Variants in TIMP2 observed in about 807,000 individuals in gnomAD.
The protein encoded by TIMP2 is metalloproteinase inhibitor 2.
TIMP2 carries 5 observed loss-of-function variants against 24.3 expected under a neutral mutation model. The ratio of observed to expected loss-of-function variants is 0.21; its 90% CI spans 0.11 to 0.43. The LOEUF is 0.43. TIMP2 is among the 20% of genes least tolerant of loss of function. The pLI is 1.00. For synonymous variants in TIMP2, 130 were observed against 123.2 expected (o/e 1.06, Z -0.37); for missense variants, 221 against 297.5 (o/e 0.74, Z 1.89).
chr17:78,862,443 T>G (rs2069574918), intron 3 of TIMP2, among the ~76,000 whole-genome samples: 1 of 152,234 alleles, frequency 6.6e-6, no homozygotes, highest in Non-Finnish European at 1.5e-5. Flanking sequence ...TCAGCCACTG[T>G]GGCCATTAAC....
Position 78,920,392 on chromosome 17 carries a change from T to C in TIMP2, c.130+4567A>G, listed in dbSNP as rs9907725. 0.93 allele frequency among the ~76,000 whole-genome samples: 142,266 copies of C among 152,234 alleles called. 66,541 individuals carry two copies. Among genetic ancestry groups the C allele is most frequent in the East Asian group, 0.96 (4,952 of 5,162 alleles). Reference sequence around the variant, plus strand: ...CAAATAGGGGAGGCCCGAGAGGCTCTGAGGCTGGCACTGTCCTCAGATCCC... The same window carrying C: ...CAAATAGGGGAGGCCCGAGAGGCTCCGAGGCTGGCACTGTCCTCAGATCCC... On this transcript the variant is annotated intron_variant, in intron 1 of 4. Transcript: ENST00000262768. The surrounding 1 kb of genome is among the most constrained non-coding windows in gnomAD (Gnocchi z 4.5).
At chr17:78,905,817 T>C (rs987539386) in intron 1 of TIMP2, among the ~76,000 whole-genome samples, 8 of 152,240 alleles carry the variant, frequency 5.3e-5, no homozygotes, top group Non-Finnish European at 7.3e-5. Flanking sequence ...GTCCATACTA[T>C]TGTTGACTGC....
intron 1 of TIMP2, among the ~76,000 whole-genome samples, chr17:78,906,173 C>T (rs573032368): frequency 2.0e-5 from 3 of 152,124 alleles, no homozygotes; most frequent in African/African-American, 4.8e-5. Flanking sequence ...GAGTTTCAGA[C>T]CAGCCAGGCA....
At chr17:78,865,453 C>T (rs1229359119) in intron 3 of TIMP2, among the ~76,000 whole-genome samples, 17 of 151,936 alleles carry the variant, frequency 1.1e-4, no homozygotes, top group Admixed American at 2.0e-4. Context: ...AGAGAAATCC[C>T]GTCTCTACTA....
At chr17:78,886,992 GATTACA>G (rs2069830552) in intron 1 of TIMP2, among the ~76,000 whole-genome samples, 1 of 152,196 alleles carries the variant, frequency 6.6e-6, no homozygotes, top group Non-Finnish European at 1.5e-5. Context: ...AGAGTGCTGG[GATTACA>G]GGTGTGAGCC....
At chr17:78,911,894 CAAAAA>C (rs60505603) in intron 1 of TIMP2, among the ~76,000 whole-genome samples, 1 of 112,098 alleles carries the variant, frequency 8.9e-6, no homozygotes, top group Admixed American at 9.1e-5. Flanking sequence ...AAAAACACAC[CAAAAA>C]AAAAAAAAAA....
At chr17:78,871,506 T>C (rs2069684839) in intron 2 of TIMP2, among the ~76,000 whole-genome samples, 1 of 151,164 alleles carries the variant, frequency 6.6e-6, no homozygotes, top group Non-Finnish European at 1.5e-5. Flanking sequence ...AAGTGATTCT[T>C]TGGAGTCACT....
At chr17:78,864,584 G>A (rs1386523030) in intron 3 of TIMP2, among the ~76,000 whole-genome samples, 1 of 151,996 alleles carries the variant, frequency 6.6e-6, no homozygotes, top group African/African-American at 2.4e-5. Flanking sequence ...TTTGCACTTG[G>A]CACCTTTAGT....
Position 78,896,648 on chromosome 17 carries a change from T to C in TIMP2, c.131-22729A>G, listed in dbSNP as rs993697163. On this transcript the variant is annotated intron_variant, in intron 1 of 4. Coordinates refer to ENST00000262768, the MANE Select transcript of TIMP2 (RefSeq NM_003255.5). The surrounding 1 kb of genome is among the most constrained non-coding windows in gnomAD (Gnocchi z 4.4). ...TCCTGCCACCCCGAGCTGACAAGCC[T>C]GCCTTCTGCTGGCTGCCTTCAACCA... Among the ~76,000 whole-genome samples the C allele has an allele frequency of 6.6e-6, 1 of 152,092 alleles. No homozygotes were observed. Among genetic ancestry groups the C allele is most frequent in the Non-Finnish European group, 1.5e-5 (1 of 68,004 alleles).
intron 1 of TIMP2, among the ~76,000 whole-genome samples, chr17:78,887,426 C>T (rs1162239147): frequency 1.3e-5 from 2 of 152,062 alleles, no homozygotes; most frequent in African/African-American, 4.8e-5. Context: ...CCCTCTGTCC[C>T]CAGGCTGGAG....
At chr17:78,902,878 T>C (rs1470868765) in intron 1 of TIMP2, 1 of 152,350 alleles carries the variant, frequency 6.6e-6, no homozygotes, top group African/African-American at 2.4e-5. Context: ...CCAACAACCA[T>C]ATTCATCTCC....
At chr17:78,859,408 C>T (rs2069550760) in intron 3 of TIMP2, among the ~76,000 whole-genome samples, 1 of 152,206 alleles carries the variant, frequency 6.6e-6, no homozygotes, top group South Asian at 2.1e-4. Context: ...GCCTGTAATC[C>T]TAGCACTTTG....
At chr17:78,923,154 A>G (rs1228818558) in intron 1 of TIMP2, among the ~76,000 whole-genome samples, 1 of 152,010 alleles carries the variant, frequency 6.6e-6, no homozygotes, top group Non-Finnish European at 1.5e-5. Context: ...TAGCTACAGG[A>G]TGATTTTGAT....
intron 1 of TIMP2, chr17:78,903,122 G>A (rs1433994798): frequency 6.6e-6 from 1 of 152,366 alleles, no homozygotes; most frequent in African/African-American, 2.4e-5. Flanking sequence ...GTGGTCTCAG[G>A]GGCCCACTGA....
chr17:78,877,264 T>C (rs1022800269), intron 1 of TIMP2, among the ~76,000 whole-genome samples: 2 of 152,248 alleles, frequency 1.3e-5, no homozygotes, highest in Non-Finnish European at 2.9e-5. Flanking sequence ...TTGCTCTTCA[T>C]GTAGCAGAGT....
chr17:78,872,191 CT>C (rs2069691979), intron 2 of TIMP2, among the ~76,000 whole-genome samples: 1 of 151,134 alleles, frequency 6.6e-6, no homozygotes, highest in Non-Finnish European at 1.5e-5. Context: ...AGGTCTCGCT[CT>C]ATTACCCAGG....
chr17:78,879,337 G>A (rs1173911820), intron 1 of TIMP2, among the ~76,000 whole-genome samples: 1 of 152,240 alleles, frequency 6.6e-6, no homozygotes. Flanking sequence ...CAGTTCTGTA[G>A]GGGAAAGCAG....
At chr17:78,880,764 T>C (rs2069772652) in intron 1 of TIMP2, among the ~76,000 whole-genome samples, 1 of 152,208 alleles carries the variant, frequency 6.6e-6, no homozygotes. Context: ...TTCTCTTTAT[T>C]ATCTTGCCAG....
At chr17:78,859,655 C>A (rs551186062) in intron 3 of TIMP2, among the ~76,000 whole-genome samples, 2 of 151,424 alleles carry the variant, frequency 1.3e-5, no homozygotes, top group East Asian at 3.9e-4. Flanking sequence ...GAGACAGACT[C>A]CATCTCAAAA....
Sources: allele counts gnomAD v4.1 joint callset (sites outside exome capture counted in the v4.1 genomes callset), GRCh38; gene constraint gnomAD v4.1.1; non-coding constraint Gnocchi (gnomAD v3.1); transcripts MANE v1.5; gene names NCBI Gene and HGNC (gene_info 2026-07-23, HGNC 2026-07-21).